HOXD3: variants seen among roughly 807,000 people sequenced by gnomAD.
The protein encoded by HOXD3 is homeobox D3.
A neutral mutation model predicts 32.8 loss-of-function variants in HOXD3; 13 were observed. The observed-to-expected ratio is 0.40, with a 90% confidence interval of 0.26 to 0.63. HOXD3 has a LOEUF of 0.63. Among genes scored for constraint, HOXD3 ranks in the 20% least tolerant of loss-of-function variants. The probability of loss-of-function intolerance (pLI) is 0.44; values close to 1 mark genes in which losing one functional copy is unlikely to be tolerated. For synonymous variants in HOXD3, 241 were observed against 246.8 expected (o/e 0.98, Z 0.22); for missense variants, 504 against 577.1 (o/e 0.87, Z 1.30).
upstream of HOXD3, chr2:176,153,187 A>T (rs1470936112): frequency 5.5e-6 from 3 of 544,780 alleles, no homozygotes; most frequent in Non-Finnish European, 9.8e-6. Flanking sequence ...AGCTACTGAG[A>T]ACATAAAATC....
intron 1 of HOXD3, among the ~76,000 whole-genome samples, chr2:176,158,324 C>CT (rs1469211951): frequency 2.6e-5 from 4 of 152,176 alleles, no homozygotes; most frequent in African/African-American, 4.8e-5. Flanking sequence ...CCGTTTCTGC[C>CT]TTTTTTCACC....
chr2:176,171,628 A>G lies in HOXD3; in HGVS notation c.653A>G (p.Tyr218Cys). The change falls in exon 4 of 4, where the codon TAC becomes TGC. Residue 218 changes from tyrosine to cysteine, a missense_variant. Around this residue, in one of 3 missense-constraint regions of HOXD3, gnomAD observed 97 missense variants for 158.0 expected, o/e 0.61. Transcript: ENST00000683222. The stretch of plus-strand genomic sequence containing the variant: ...GAAAAGGAATTCCACTTCAACCGCT[A>G]CTTGTGCCGGCCGCGCCGCGTGGAG... ...ELEKEFHFNR[Y>C]LCRPRRVEMA... is the part of the protein sequence containing the mutation. 1 of 1,614,228 alleles carries G rather than the reference A, an allele frequency of 6.2e-7. No individual in the cohort carries two copies. Among genetic ancestry groups the G allele is most frequent in the Non-Finnish European group, 8.5e-7 (1 of 1,180,034 alleles).
chr2:176,171,577 A>G lies in HOXD3; in HGVS notation c.602A>G (p.Tyr201Cys). 6.2e-7 allele frequency: 1 copy of G among 1,613,132 alleles called. No homozygotes were observed. The highest frequency in any genetic ancestry group is 8.5e-7 in the Non-Finnish European group (1 of 1,179,412). ...GPASKRVRTAYTSAQLVELEK... is the reference protein window; with the variant it reads ...GPASKRVRTACTSAQLVELEK... The stretch of plus-strand genomic sequence containing the variant: ...GCATCCAAGCGGGTACGCACGGCAT[A>G]CACGAGCGCGCAGCTGGTGGAATTG... The change falls in exon 4 of 4, where the codon TAC becomes TGC. Residue 201 changes from tyrosine (Y) to cysteine (C), a missense_variant. This residue lies in a region of HOXD3 where 97 missense variants were observed against 158.0 expected (regional missense o/e 0.61). Coordinates refer to ENST00000683222, the MANE Select transcript of HOXD3 (RefSeq NM_006898.5).
chr2:176,153,017 G>A, upstream of HOXD3: 2 of 1,426,974 alleles, frequency 1.4e-6, no homozygotes, highest in Non-Finnish European at 2.0e-6. Context: ...CGGGCCTGCT[G>A]TCACCTCGCT....
chr2:176,169,305 C>T lies in HOXD3; in HGVS notation c.191C>T (p.Pro64Leu). Residue 64 changes from proline (P) to leucine (L), a missense_variant, in exon 3 of 4, where the codon CCA becomes CTA. Pro to Leu is a moderately conservative substitution (Grantham distance 98). Coordinates refer to ENST00000683222, the MANE Select transcript of HOXD3 (RefSeq NM_006898.5). ...GCCAGCTCCCTGGACACTGACTATC[C>T]AGGTTCTGCCTGCTCCATCCAGAGC... ...AAASSLDTDYPGSACSIQSSA... is the reference protein window; with the variant it reads ...AAASSLDTDYLGSACSIQSSA... The T allele has an allele frequency of 6.2e-7, 1 of 1,614,160 alleles. No homozygotes were observed. The highest frequency in any genetic ancestry group is 8.5e-7 in the Non-Finnish European group (1 of 1,180,032).
At chr2:176,153,020 A>C, upstream of HOXD3, 3 of 1,392,800 alleles carry the variant, frequency 2.2e-6, no homozygotes, top group Non-Finnish European at 3.1e-6. Context: ...GCCTGCTGTC[A>C]CCTCGCTGGG....
upstream of HOXD3, chr2:176,153,178 G>C (rs1690581339): frequency 3.6e-6 from 2 of 559,798 alleles, no homozygotes; most frequent in South Asian, 2.3e-5. Flanking sequence ...TATGGCAGGA[G>C]CTACTGAGAA....
At chr2:176,154,206 G>T (rs893315395), upstream of HOXD3, among the ~76,000 whole-genome samples, 1 of 152,144 alleles carries the variant, frequency 6.6e-6, no homozygotes, top group Non-Finnish European at 1.5e-5. Flanking sequence ...ATTTGTAAAA[G>T]TATAAAAGTT....
Position 176,158,302 on chromosome 2 carries a change from C to G in HOXD3, c.-181+850C>G, listed in dbSNP as rs553549153. Among the ~76,000 whole-genome samples, 13 of 152,350 alleles carry G rather than the reference C, an allele frequency of 8.5e-5. No individual in the cohort carries two copies. The South Asian group carries it at 2.7e-3, about 32-fold the overall frequency. On this transcript the variant is annotated intron_variant, in intron 1 of 3. Transcript: ENST00000683222. ...CAGTGCGGGCTGCAGAAGGCTGTTT[C>G]TCTGCTCGCTCCCGTTTCTGCCTTT...
Position 176,169,101 on chromosome 2 carries a change from T to C in HOXD3, c.-14T>C, listed in dbSNP as rs1372288092. 1 of 1,593,074 alleles carries C rather than the reference T, an allele frequency of 6.3e-7. No individual in the cohort carries two copies. Among genetic ancestry groups the C allele is most frequent in the Non-Finnish European group, 8.6e-7 (1 of 1,168,826 alleles). ...AGACATTGGAGGTGGCAGTGAAGGATACAGTGGTAGTCAATGTTATTTGAG... is the reference window on the plus strand; with the variant it reads ...AGACATTGGAGGTGGCAGTGAAGGACACAGTGGTAGTCAATGTTATTTGAG... On this transcript the variant is annotated 5_prime_UTR_variant, in exon 3 of 4. Coordinates refer to ENST00000683222, the MANE Select transcript of HOXD3 (RefSeq NM_006898.5).
chr2:176,160,235 T>C (rs963818868), intron 1 of HOXD3, among the ~76,000 whole-genome samples: 34 of 152,162 alleles, frequency 2.2e-4, no homozygotes, highest in Admixed American at 8.5e-4. Context: ...CCCGGGAAGC[T>C]AGGGGTACCC....
chr2:176,157,161 G>GGCCGGGGCTCGCTGGCA (rs1015341061), upstream of HOXD3, among the ~76,000 whole-genome samples: 4 of 152,166 alleles, frequency 2.6e-5, no homozygotes, highest in African/African-American at 4.8e-5. Context: ...CGGGCTGGGC[G>GGCCGGGGCTCGCTGGCA]GCCGGGGCTC....
In HOXD3 at chr2:176,172,153, C is replaced by A; in HGVS notation, c.1178C>A (p.Ala393Glu). 6.2e-7 allele frequency: 1 copy of A among 1,613,226 alleles called. No individual in the cohort carries two copies. The part of the protein sequence containing the change: ...SSASVDYSCA[A>E]QIPGNHHHGP... ...GCCAGCGTGGACTACAGTTGCGCCGCGCAGATTCCAGGCAACCACCACCAT... is the reference window on the plus strand; with the variant it reads ...GCCAGCGTGGACTACAGTTGCGCCGAGCAGATTCCAGGCAACCACCACCAT... Residue 393 changes from alanine (A) to glutamate (E), a missense_variant, in exon 4 of 4, where the codon GCG (alanine) becomes GAG (glutamate). Coordinates refer to ENST00000683222, the MANE Select transcript of HOXD3 (RefSeq NM_006898.5).
At chr2:176,154,256 A>G (rs955450016), upstream of HOXD3, among the ~76,000 whole-genome samples, 1 of 152,188 alleles carries the variant, frequency 6.6e-6, no homozygotes, top group African/African-American at 2.4e-5. Context: ...GTGGTTTTTT[A>G]AAGAATCACT....
In HOXD3 at chr2:176,169,151, C is replaced by A. The variant is rs781659922; in HGVS notation, c.37C>A (p.Pro13Thr). Residue 13 changes from proline to threonine, a missense_variant, in exon 3 of 4, where the codon CCT becomes ACT. Pro to Thr is a conservative substitution (Grantham distance 38, BLOSUM62 -1). Around this residue, in one of 3 missense-constraint regions of HOXD3, gnomAD observed 181 missense variants for 172.2 expected, o/e 1.05. Coordinates refer to ENST00000683222, the MANE Select transcript of HOXD3 (RefSeq NM_006898.5). ...FEQGQQALELPECTMQKAAYY... is the reference protein window; with the variant it reads ...FEQGQQALELTECTMQKAAYY... The stretch of plus-strand genomic sequence containing the variant: ...GCAGGGTCAGCAGGCCCTGGAGCTT[C>A]CTGAGTGCACAATGCAGAAGGCTGC... The A allele has an allele frequency of 1.9e-6, 3 of 1,613,590 alleles. No homozygotes were observed. Among genetic ancestry groups the A allele is most frequent in the East Asian group, 4.5e-5 (2 of 44,884 alleles).
rs770452776 is a variant in HOXD3, at chr2:176,172,296, C to T, written c.*22C>T. 3.5e-5 allele frequency: 55 copies of T among 1,570,130 alleles called. No homozygotes were observed. The highest frequency in any genetic ancestry group is 4.5e-5 in the Non-Finnish European group (52 of 1,162,378). ...GTAGCGGCCGCCGCCAGCCCGAACT[C>T]GCGGCAAAATTACCTCTCTTGCTGT... On this transcript the variant is annotated 3_prime_UTR_variant, in exon 4 of 4. Transcript: ENST00000683222.
upstream of HOXD3, among the ~76,000 whole-genome samples, chr2:176,154,107 A>T (rs1690598421): frequency 6.6e-6 from 1 of 152,116 alleles, no homozygotes; most frequent in South Asian, 2.1e-4. Flanking sequence ...CACAAAAGTT[A>T]GCCTTAGAGT....
At chr2:176,165,007 G>C (rs1489050501) in intron 2 of HOXD3, 2 of 152,274 alleles carry the variant, frequency 1.3e-5, no homozygotes, top group Admixed American at 6.5e-5. Flanking sequence ...CGACCGCCGA[G>C]CAGAGCTGCT....
chr2:176,166,318 T>C (rs1023484606), intron 2 of HOXD3, among the ~76,000 whole-genome samples: 7 of 152,338 alleles, frequency 4.6e-5, no homozygotes, highest in African/African-American at 1.2e-4. Flanking sequence ...TATTTTAACG[T>C]GACTGGTTCA....
Sources: allele counts gnomAD v4.1 joint callset (sites outside exome capture counted in the v4.1 genomes callset), GRCh38; gene constraint gnomAD v4.1.1; regional missense constraint gnomAD v4.1.1; transcripts MANE v1.5; gene names NCBI Gene and HGNC (gene_info 2026-07-23, HGNC 2026-07-21).